The following KANSL1 variants were observed in gnomAD, a reference collection of about 807,000 sequenced individuals.
KANSL1 encodes the protein MLL1/MLL complex subunit KANSL1.
A neutral mutation model predicts 103.6 loss-of-function variants in KANSL1; 22 were observed. The observed-to-expected ratio is 0.21, with a 90% confidence interval of 0.15 to 0.30. The LOEUF (loss-of-function observed/expected upper bound fraction) is 0.30, where lower values mean the gene tolerates loss of function less well. Among genes scored for constraint, KANSL1 ranks in the 10% least tolerant of loss-of-function variants. KANSL1 has a pLI of 1.00. For synonymous variants in KANSL1, 600 were observed against 527.6 expected (o/e 1.14, Z -1.88); for missense variants, 1,337 against 1,399.8 (o/e 0.96, Z 0.72).
chr17:46,041,400 T>C (rs747903485), intron 7 of KANSL1: 1 of 152,210 alleles, frequency 6.6e-6, no homozygotes, highest in Non-Finnish European at 1.5e-5. Flanking sequence ...GGTGTGAGTC[T>C]GTTTTCAAGC....
intron 4 of KANSL1, among the ~76,000 whole-genome samples, chr17:46,078,942 C>T (rs1244200432): frequency 6.6e-6 from 1 of 152,212 alleles, no homozygotes; most frequent in Admixed American, 6.5e-5. Flanking sequence ...CGGCAGCTAC[C>T]AAGCTAGAGG....
At chr17:46,149,004 CTT>C (rs77731269) in intron 2 of KANSL1, among the ~76,000 whole-genome samples, 146 of 121,254 alleles carry the variant, frequency 1.2e-3, no homozygotes, top group Non-Finnish European at 1.2e-3. Flanking sequence ...CTCTTTTTTT[CTT>C]TTTTTTTTTT....
At chr17:46,127,686 G>A (rs1161819088) in intron 2 of KANSL1, among the ~76,000 whole-genome samples, 1 of 151,990 alleles carries the variant, frequency 6.6e-6, no homozygotes, top group Non-Finnish European at 1.5e-5. Context: ...GCTGAGGTGG[G>A]AGGACTGCTT....
chr17:46,101,351 T>G (rs1264923641), intron 2 of KANSL1, among the ~76,000 whole-genome samples: 3 of 152,236 alleles, frequency 2.0e-5, no homozygotes, highest in Non-Finnish European at 4.4e-5. Flanking sequence ...CCTAAACATA[T>G]AAATTGACCT....
chr17:46,046,108 AAAGG>A (rs2077495520), intron 7 of KANSL1: 1 of 152,208 alleles, frequency 6.6e-6, no homozygotes, highest in African/African-American at 2.4e-5. Flanking sequence ...AAATATAGTA[AAAGG>A]AAGGACAGGC....
At position 46,031,563 on chromosome 17, in the gene KANSL1, C is replaced by T; in HGVS notation, c.3231G>A (p.Glu1077=). ...CAATGGGAGGCGAGGTGGGCGCTGC[C>T]TCTGTCTCCCGGCCAGTCTTGCTGC... The part of the protein sequence containing the change: ...TSGSKTGRET[E]AAPTSPPIVP... Residue 1077 remains glutamate, a synonymous_variant, in exon 15 of 15, where the codon GAG becomes GAA. Coordinates refer to ENST00000432791, the MANE Select transcript of KANSL1 (RefSeq NM_015443.4). The T allele has an allele frequency of 6.2e-7, 1 of 1,614,142 alleles. No homozygotes were observed. Among genetic ancestry groups the T allele is most frequent in the Non-Finnish European group, 8.5e-7 (1 of 1,180,030 alleles).
In KANSL1 at chr17:46,171,052, T is replaced by G. The variant is rs1383244175; in HGVS notation, c.1092A>C (p.Ser364=). ...TTTTCAGAAAGTTGCTAAGTCCCTC[T>G]GAAGTGGTGGTCTCACTGGCAGCTT... ...LRKAASETTT[S]EGLSNFLKSN... is the part of the protein sequence containing the mutation. Residue 364 remains serine (S), a synonymous_variant, in exon 2 of 15, where the codon TCA becomes TCC. Transcript: ENST00000432791. 10 of 1,614,100 alleles carry G rather than the reference T, an allele frequency of 6.2e-6. No homozygotes were observed. The African/African-American group carries it at 1.3e-4, about 22-fold the overall frequency.
intron 4 of KANSL1, among the ~76,000 whole-genome samples, chr17:46,070,762 T>C (rs960666323): frequency 6.6e-6 from 1 of 152,060 alleles, no homozygotes; most frequent in Non-Finnish European, 1.5e-5. Flanking sequence ...ATAATTTATA[T>C]GGTATATTTG....
Position 46,031,335 on chromosome 17 carries a change from T to C in KANSL1, c.*141A>G. 1.3e-6 allele frequency: 1 copy of C among 798,936 alleles called. No homozygotes were observed. The highest frequency in any genetic ancestry group is 1.9e-6 in the Non-Finnish European group (1 of 519,174). 49.5% of individuals were successfully genotyped at this position (798,936 alleles called of 1,614,324 possible). A position where few individuals can be genotyped will look rare whatever the true frequency, so the allele number is the denominator to read the frequency against. ...CAAAAATTAAAACAAGAAAAAAAAATACCAAAGTAGGATCTAAATTCCTTA... is the reference window on the plus strand; with the variant it reads ...CAAAAATTAAAACAAGAAAAAAAAACACCAAAGTAGGATCTAAATTCCTTA... On this transcript the variant is annotated 3_prime_UTR_variant, in exon 15 of 15. Coordinates refer to ENST00000432791, the MANE Select transcript of KANSL1 (RefSeq NM_015443.4).
chr17:46,097,791 C>T (rs926904227), intron 2 of KANSL1, among the ~76,000 whole-genome samples: 1 of 151,710 alleles, frequency 6.6e-6, no homozygotes, highest in African/African-American at 2.4e-5. Context: ...AACACAGTCT[C>T]CCATAGGGGC....
At chr17:46,140,773 GATT>G (rs1239632751) in intron 2 of KANSL1, among the ~76,000 whole-genome samples, 1 of 152,272 alleles carries the variant, frequency 6.6e-6, no homozygotes, top group Non-Finnish European at 1.5e-5. Context: ...CACCTGAAAC[GATT>G]ATCAGCATCA....
chr17:46,102,872 C>G (rs761095389), intron 2 of KANSL1, among the ~76,000 whole-genome samples: 1 of 152,136 alleles, frequency 6.6e-6, no homozygotes, highest in East Asian at 1.9e-4. Context: ...ATAAAATATA[C>G]GATAAGAGAT....
At chr17:46,106,082 T>C (rs958548983) in intron 2 of KANSL1, among the ~76,000 whole-genome samples, 4 of 152,210 alleles carry the variant, frequency 2.6e-5, no homozygotes, top group Non-Finnish European at 5.9e-5. Context: ...ATGAGAGAAT[T>C]TTAATACTAA....
chr17:46,088,183 C>CA (rs2079236787), intron 3 of KANSL1, among the ~76,000 whole-genome samples: 1 of 152,222 alleles, frequency 6.6e-6, no homozygotes, highest in Non-Finnish European at 1.5e-5. Context: ...CAGTTACATG[C>CA]AGCCTTAATA....
chr17:46,136,378 T>C (rs2044144365), intron 2 of KANSL1, among the ~76,000 whole-genome samples: 1 of 152,258 alleles, frequency 6.6e-6, no homozygotes, highest in South Asian at 2.1e-4. Context: ...TGCATGCACA[T>C]GTTCACATAC....
intron 1 of KANSL1, among the ~76,000 whole-genome samples, chr17:46,190,387 GA>G (rs2047257438): frequency 6.6e-6 from 1 of 152,208 alleles, no homozygotes; most frequent in African/African-American, 2.4e-5. Flanking sequence ...AAGAAAATCA[GA>G]CAAAAATTTA....
chr17:46,219,968 T>C (rs1468861574), intron 1 of KANSL1, among the ~76,000 whole-genome samples: 2 of 151,848 alleles, frequency 1.3e-5, no homozygotes, highest in Non-Finnish European at 2.9e-5. Flanking sequence ...CCGGGCGTGG[T>C]GGCGGGCGCC....
intron 2 of KANSL1, among the ~76,000 whole-genome samples, chr17:46,131,895 G>A (rs539059482): frequency 5.8e-4 from 89 of 152,314 alleles, no homozygotes; most frequent in Middle Eastern, 3.4e-3. Flanking sequence ...TTGGGAGGCC[G>A]AGGCAGGTGG....
At chr17:46,211,085 G>A (rs1003917287) in intron 1 of KANSL1, among the ~76,000 whole-genome samples, 1 of 152,120 alleles carries the variant, frequency 6.6e-6, no homozygotes, top group African/African-American at 2.4e-5. Context: ...TGGCAGGTAT[G>A]TTACAGCATG....
Sources: allele counts gnomAD v4.1 joint callset (sites outside exome capture counted in the v4.1 genomes callset), GRCh38; gene constraint gnomAD v4.1.1; transcripts MANE v1.5; gene names NCBI Gene and HGNC (gene_info 2026-07-23, HGNC 2026-07-21).